CCDC178: variants seen among roughly 807,000 people sequenced by gnomAD.
CCDC178 encodes coiled-coil domain-containing protein 178.
A neutral mutation model predicts 117.4 loss-of-function variants in CCDC178; 126 were observed. The observed-to-expected ratio is 1.07, with a 90% CI of 0.93 to 1.24. The LOEUF (loss-of-function observed/expected upper bound fraction) is 1.24. Among genes scored for constraint, CCDC178 ranks in the 50% most tolerant of loss-of-function variants. CCDC178 has a pLI of 0.00. For synonymous variants in CCDC178, 283 were observed against 313.4 expected (o/e 0.90, Z 1.02); for missense variants, 1,030 against 986.9 (o/e 1.04, Z -0.59).
At chr18:33,394,791 A>T (rs2063608923) in intron 4 of CCDC178, among the ~76,000 whole-genome samples, 1 of 150,906 alleles carries the variant, frequency 6.6e-6, no homozygotes, top group Non-Finnish European at 1.5e-5. Context: ...AACTTGTTAA[A>T]TTATATAAGC....
chr18:33,172,880 G>A (rs766339897), intron 20 of CCDC178, among the ~76,000 whole-genome samples: 1 of 152,018 alleles, frequency 6.6e-6, no homozygotes, highest in African/African-American at 2.4e-5. Flanking sequence ...TTTCTATCTT[G>A]TAAGAAAAAT....
intron 20 of CCDC178, among the ~76,000 whole-genome samples, chr18:33,167,939 G>A (rs2058553027): frequency 6.6e-6 from 1 of 151,862 alleles, no homozygotes; most frequent in Non-Finnish European, 1.5e-5. Flanking sequence ...AACATTTAAT[G>A]GGTATTTTTT....
intron 21 of CCDC178, among the ~76,000 whole-genome samples, chr18:33,077,306 C>A (rs763445254): frequency 1.3e-5 from 2 of 152,056 alleles, no homozygotes; most frequent in Non-Finnish European, 2.9e-5. Flanking sequence ...CAACAAAGTA[C>A]CTGTTATAAG....
At chr18:33,383,733 G>A (rs2063464004) in intron 5 of CCDC178, among the ~76,000 whole-genome samples, 1 of 152,174 alleles carries the variant, frequency 6.6e-6, no homozygotes, top group South Asian at 2.1e-4. Flanking sequence ...ATCAATGGTA[G>A]ATAAATCCAT....
At chr18:33,303,661 A>C (rs1228284141) in intron 11 of CCDC178, among the ~76,000 whole-genome samples, 2 of 151,598 alleles carry the variant, frequency 1.3e-5, no homozygotes, top group Non-Finnish European at 2.9e-5. Flanking sequence ...CTGCTCAAAA[A>C]CATAAAGTCT....
chr18:33,011,063 T>C (rs2055853439), intron 21 of CCDC178, among the ~76,000 whole-genome samples: 1 of 152,182 alleles, frequency 6.6e-6, no homozygotes. Flanking sequence ...AGTTACTCTA[T>C]AGTCTTGGGA....
intron 21 of CCDC178, among the ~76,000 whole-genome samples, chr18:33,063,908 AC>A (rs2056970653): frequency 6.6e-6 from 1 of 152,346 alleles, no homozygotes; most frequent in South Asian, 2.1e-4. Flanking sequence ...TGAGGAACTC[AC>A]AGATACAACT....
chr18:33,265,903 G>A (rs1237802442), intron 14 of CCDC178, among the ~76,000 whole-genome samples: 2 of 152,012 alleles, frequency 1.3e-5, no homozygotes, highest in Non-Finnish European at 2.9e-5. Context: ...GAGCAATGAA[G>A]AGAATAAACT....
At chr18:33,005,332 C>T (rs2055725458) in intron 21 of CCDC178, among the ~76,000 whole-genome samples, 3 of 151,948 alleles carry the variant, frequency 2.0e-5, no homozygotes, top group African/African-American at 4.8e-5. Context: ...AACTGGAGGA[C>T]ATCATGTTAA....
intron 20 of CCDC178, among the ~76,000 whole-genome samples, chr18:33,186,102 G>T (rs2058791135): frequency 6.6e-6 from 1 of 151,990 alleles, no homozygotes; most frequent in Non-Finnish European, 1.5e-5. Context: ...GTTCAAGTTA[G>T]ATACATATGA....
At chr18:33,113,555 A>G (rs923994043) in intron 20 of CCDC178, among the ~76,000 whole-genome samples, 1 of 151,966 alleles carries the variant, frequency 6.6e-6, no homozygotes, top group Non-Finnish European at 1.5e-5. Flanking sequence ...ATCACTAATT[A>G]AAATAGCAAT....
At chr18:33,016,911 C>A (rs1398408438) in intron 21 of CCDC178, among the ~76,000 whole-genome samples, 1 of 151,748 alleles carries the variant, frequency 6.6e-6, no homozygotes, top group Non-Finnish European at 1.5e-5. Context: ...AAACATTTGG[C>A]AATGCTTAAT....
intron 20 of CCDC178, among the ~76,000 whole-genome samples, chr18:33,129,849 A>G (rs1260461500): frequency 6.6e-6 from 1 of 151,932 alleles, no homozygotes; most frequent in African/African-American, 2.4e-5. Context: ...TTTTAAGTCA[A>G]TTTTTGTCCA....
chr18:33,394,998 T>G (rs1364712541), intron 4 of CCDC178, among the ~76,000 whole-genome samples: 1 of 135,342 alleles, frequency 7.4e-6, no homozygotes, highest in Admixed American at 7.6e-5. Flanking sequence ...TGTATACATA[T>G]ATGAACAAGA....
chr18:33,389,431 G>T, intron 5 of CCDC178, 109 bp downstream of exon 5: 1 of 416,246 alleles, frequency 2.4e-6, no homozygotes, highest in Non-Finnish European at 4.2e-6. Flanking sequence ...AACAATTAAC[G>T]ATATGTAGGA....
chr18:32,959,428 G>T (rs1029692485), intron 22 of CCDC178, among the ~76,000 whole-genome samples: 2 of 151,970 alleles, frequency 1.3e-5, no homozygotes, highest in African/African-American at 4.8e-5. Context: ...AACTGAGTCT[G>T]GTTCATTTTA....
intron 21 of CCDC178, among the ~76,000 whole-genome samples, chr18:33,056,665 G>T (rs903224009): frequency 2.0e-4 from 30 of 152,080 alleles, no homozygotes; most frequent in Non-Finnish European, 5.9e-5. Context: ...ATTAGAAGTT[G>T]GAAAATGTAA....
intron 21 of CCDC178, among the ~76,000 whole-genome samples, chr18:33,003,488 T>C (rs1462343723): frequency 6.6e-6 from 1 of 152,062 alleles, no homozygotes; most frequent in East Asian, 1.9e-4. Context: ...TTTAACATCC[T>C]TTCATAATAA....
At chr18:33,052,390 G>T (rs1272682112) in intron 21 of CCDC178, among the ~76,000 whole-genome samples, 1 of 151,900 alleles carries the variant, frequency 6.6e-6, no homozygotes, top group Non-Finnish European at 1.5e-5. Flanking sequence ...TACATAATAG[G>T]GTAACAAGAT....
Sources: gnomAD v4.1 joint callset for allele counts (sites outside exome capture counted in the v4.1 genomes callset) on GRCh38, gnomAD v4.1.1 for gene constraint, MANE v1.5 for transcripts, NCBI Gene and HGNC (gene_info 2026-07-23, HGNC 2026-07-21) for gene names.